FCHO1: variants seen among roughly 807,000 people sequenced by gnomAD.
FCHO1 encodes FCH and mu domain containing endocytic adaptor 1, also known as F-BAR domain only protein 1.
A neutral mutation model predicts 114.4 loss-of-function variants in FCHO1; 45 were observed. That is an observed-to-expected ratio of 0.39 (90% confidence interval 0.31 to 0.50). FCHO1 has a LOEUF of 0.50. Among genes scored for constraint, FCHO1 ranks in the 20% least tolerant of loss-of-function variants. The pLI is 0.77. For synonymous variants in FCHO1, 480 were observed against 488.9 expected (o/e 0.98, Z 0.24); for missense variants, 1,042 against 1,209.6 (o/e 0.86, Z 2.06).
rs1352516202 is a variant in FCHO1 at position 17,788,275 on chromosome 19, C to G, written c.2648-9C>G. 1 of 1,572,304 alleles carries G rather than the reference C, an allele frequency of 6.4e-7. No individual in the cohort carries two copies. The highest frequency in any genetic ancestry group is 1.7e-5 in the Admixed American group (1 of 59,324). ...CCCACCCCTCCCCCTCACAGCTGCA[C>G]CCCCACAGGGATGTACCTGGTGAGC... is the stretch of plus-strand genomic sequence containing the variant. On this transcript the variant is annotated splice_polypyrimidine_tract_variant and intron_variant, in intron 28 of 28. Coordinates refer to ENST00000596536, the MANE Select transcript of FCHO1 (RefSeq NM_015122.3).
chr19:17,775,378 C>CG lies in FCHO1; in HGVS notation c.946-72dup, dbSNP rs1468986645. The CG allele has an allele frequency of 1.4e-6, 2 of 1,413,372 alleles. No homozygotes were observed. Among genetic ancestry groups the CG allele is most frequent in the Non-Finnish European group, 2.0e-6 (2 of 998,628 alleles). The allele number at this position is 1,413,372 out of a possible 1,614,324, so 87.6% of individuals were successfully genotyped here. On this transcript the variant is annotated intron_variant, in intron 14 of 28. Coordinates refer to ENST00000596536, the MANE Select transcript of FCHO1 (RefSeq NM_015122.3). This position sits in a 1 kb window ranked among gnomAD's most constrained non-coding sequence, Gnocchi z 5.1. The stretch of plus-strand genomic sequence containing the variant: ...TCTGAGTCAAGGCCTGGGGGCAGGG[C>CG]GGGGGGCGGTTGGCAGGGTGAGATG...
rs2093408519 is a variant in FCHO1 at position 17,781,514 on chromosome 19, C to G, written c.1803C>G (p.Pro601=). The part of the protein sequence containing the change: ...SSAASTALER[P]SFLSQTGHGV... ...CCGCCAGCACTGCCTTGGAACGGCC[C>G]AGCTTCTTATCCCAGACAGGACACG... Residue 601 remains proline (P), a synonymous_variant, in exon 22 of 29, where the codon CCC becomes CCG. Coordinates refer to ENST00000596536, the MANE Select transcript of FCHO1 (RefSeq NM_015122.3). 6.2e-7 allele frequency: 1 copy of G among 1,613,932 alleles called. No homozygotes were observed. Among genetic ancestry groups the G allele is most frequent in the Non-Finnish European group, 8.5e-7 (1 of 1,180,026 alleles).
intron 4 of FCHO1, among the ~76,000 whole-genome samples, chr19:17,761,633 C>CATATATATAT (rs55848959): frequency 0.032 from 4,499 of 142,580 alleles, 96 homozygotes; most frequent in South Asian, 0.056. Context: ...CATGTATATA[C>CATATATATAT]ATATATATAT....
In FCHO1 at chr19:17,775,383, G is replaced by A. The variant is rs1181173563; in HGVS notation, c.946-73G>A. 17 of 1,450,682 alleles carry A rather than the reference G, an allele frequency of 1.2e-5. No individual in the cohort carries two copies. Among genetic ancestry groups the A allele is most frequent in the Non-Finnish European group, 1.5e-5 (15 of 1,032,114 alleles). 89.9% of individuals were successfully genotyped at this position (1,450,682 alleles called of 1,614,324 possible). ...GTCAAGGCCTGGGGGCAGGGCGGGG[G>A]GCGGTTGGCAGGGTGAGATGGAAGG... On this transcript the variant is annotated intron_variant, in intron 14 of 28. Transcript: ENST00000596536. The surrounding 1 kb of genome is among the most constrained non-coding windows in gnomAD (Gnocchi z 5.1).
At chr19:17,766,052 C>T (rs193030476) in intron 6 of FCHO1, among the ~76,000 whole-genome samples, 14 of 151,298 alleles carry the variant, frequency 9.3e-5, no homozygotes, top group African/African-American at 2.9e-4. Context: ...CCACGCCCGG[C>T]TAATTTTTTG....
chr19:17,766,718 G>A lies in FCHO1; in HGVS notation c.244G>A (p.Ala82Thr). 1 of 1,614,152 alleles carries A rather than the reference G, an allele frequency of 6.2e-7. No homozygotes were observed. The highest frequency in any genetic ancestry group is 8.5e-7 in the Non-Finnish European group (1 of 1,180,014). Reference protein sequence around the residue: ...EVFRVSSDKLALCHLELTRKL... With the variant: ...EVFRVSSDKLTLCHLELTRKL... Reference sequence around the variant, plus strand: ...CTTCCGCGTCTCCTCGGACAAGCTGGCGCTGTGCCACCTGGAACTGACACG... The same window carrying A: ...CTTCCGCGTCTCCTCGGACAAGCTGACGCTGTGCCACCTGGAACTGACACG... The change falls in exon 7 of 29, where the codon GCG (alanine) becomes ACG (threonine). Residue 82 changes from alanine (A) to threonine (T), a missense_variant. By Grantham distance (58) the Ala-to-Thr change is moderately conservative. Transcript: ENST00000596536.
chr19:17,750,812 CT>C (rs2081716425), upstream of FCHO1, among the ~76,000 whole-genome samples: 1 of 149,882 alleles, frequency 6.7e-6, no homozygotes, highest in Admixed American at 6.7e-5. Flanking sequence ...GCAAAAATGT[CT>C]TCCCCTTTCT....
At chr19:17,753,232 T>A (rs2082443306) in intron 1 of FCHO1, among the ~76,000 whole-genome samples, 2 of 152,244 alleles carry the variant, frequency 1.3e-5, no homozygotes, top group Non-Finnish European at 2.9e-5. Flanking sequence ...CCTAGGGATG[T>A]CAGTGTAGCA....
At position 17,783,094 on chromosome 19, in the gene FCHO1, C is replaced by T. The variant is rs754439013; in HGVS notation, c.2015C>T (p.Pro672Leu). ...GTGCGTGTGTTCAGCGGGACCCCAC[C>T]ACCACCTGTCCTCAGCTTCCGGCTT... ...GIVRVFSGTP[P>L]PPVLSFRLVH... The change falls in exon 24 of 29, where the codon CCA becomes CTA. Residue 672 changes from proline (P) to leucine (L), a missense_variant. Physicochemically the swap from Pro to Leu is moderately conservative, Grantham distance 98. Transcript: ENST00000596536. 2 of 1,614,124 alleles carry T rather than the reference C, an allele frequency of 1.2e-6. No individual in the cohort carries two copies. The highest frequency in any genetic ancestry group is 1.7e-6 in the Non-Finnish European group (2 of 1,180,020).
In FCHO1 at chr19:17,770,864, G is replaced by A. The variant is rs140361088; in HGVS notation, c.562G>A (p.Asp188Asn). 3 of 1,614,012 alleles carry A rather than the reference G, an allele frequency of 1.9e-6. No homozygotes were observed. Among genetic ancestry groups the A allele is most frequent in the Non-Finnish European group, 2.5e-6 (3 of 1,180,038 alleles). Residue 188 changes from aspartate to asparagine, a missense_variant, in exon 9 of 29, where the codon GAC becomes AAC. Asp to Asn is a conservative substitution (Grantham distance 23, BLOSUM62 1). Transcript: ENST00000596536. ...GGAAAAATACAACTCAGCCCGAGCT[G>A]ACTTTGAGCAGAAGATGCTGGACTC... ...SVEKYNSARA[D>N]FEQKMLDSAL...
chr19:17,750,913 C>G (rs952118856), upstream of FCHO1, among the ~76,000 whole-genome samples: 3 of 150,046 alleles, frequency 2.0e-5, no homozygotes, highest in Admixed American at 6.7e-5. Context: ...CAACCTCTGG[C>G]TCACTGCAAC....
chr19:17,785,998 G>A (rs1007366189), intron 26 of FCHO1, among the ~76,000 whole-genome samples: 1 of 151,490 alleles, frequency 6.6e-6, no homozygotes, highest in Non-Finnish European at 1.5e-5. Flanking sequence ...AAAGTCTGTT[G>A]TGAAGAAGCC....
At position 17,770,014 on chromosome 19, in the gene FCHO1, C is replaced by T. The variant is rs113444410; in HGVS notation, c.337-411C>T. ...CCCCATTGCTATTAAAACACACACA[C>T]AGAGGCCGGGCGTGGTGGCTCACAC... On this transcript the variant is annotated intron_variant, in intron 7 of 28. Coordinates refer to ENST00000596536, the MANE Select transcript of FCHO1 (RefSeq NM_015122.3). Among the ~76,000 whole-genome samples the T allele has an allele frequency of 8.6e-3, 1,290 of 150,126 alleles. 8 individuals are homozygous for T. The highest frequency in any genetic ancestry group is 0.012 in the Non-Finnish European group (806 of 67,520).
chr19:17,781,987 CTTTTTTTTTTTTTTTTT>C lies in FCHO1; in HGVS notation c.1937+180_1937+196del, dbSNP rs67498129. Among the ~76,000 whole-genome samples the C allele has an allele frequency of 2.7e-3, 335 of 125,964 alleles. 1 individual carries two copies. The highest frequency in any genetic ancestry group is 0.022 in the South Asian group (94 of 4,264). The allele number at this position is 125,964 out of a possible 152,430, so 82.6% of individuals were successfully genotyped here. On this transcript the variant is annotated intron_variant, in intron 23 of 28. Coordinates refer to ENST00000596536, the MANE Select transcript of FCHO1 (RefSeq NM_015122.3). ...GAGGGCAGTGGAGCCATAGGAGGGCCTTTTTTTTTTTTTTTTTTTTTTTTTTTTTGAGACAGAGTTTC... is the reference window on the plus strand; with the variant it reads ...GAGGGCAGTGGAGCCATAGGAGGGCCTTTTTTTTTTTTGAGACAGAGTTTC...
intron 6 of FCHO1, among the ~76,000 whole-genome samples, chr19:17,765,158 C>G (rs2088345673): frequency 2.0e-5 from 3 of 151,292 alleles, no homozygotes; most frequent in African/African-American, 7.3e-5. Flanking sequence ...CCTCCCTGAA[C>G]TGAGACCTTA....
chr19:17,753,305 G>A (rs1190252646), intron 1 of FCHO1, among the ~76,000 whole-genome samples: 1 of 152,306 alleles, frequency 6.6e-6, no homozygotes, highest in East Asian at 1.9e-4. Context: ...GGGGACTGAA[G>A]TTTTTCAGGG....
At chr19:17,764,600 C>G (rs1301900204) in intron 6 of FCHO1, 151 bp downstream of exon 6, 5 of 641,484 alleles carry the variant, frequency 7.8e-6, no homozygotes, top group Non-Finnish European at 1.3e-5. Flanking sequence ...CATTCACACA[C>G]TAGCTCATTC....
chr19:17,762,866 A>G lies in FCHO1; in HGVS notation c.119+13A>G. ...TCATCCGGGAGAGGTGAGGTCCCCAAGCCCCATCCACCAGAGGCCACGCCC... is the reference window on the plus strand; with the variant it reads ...TCATCCGGGAGAGGTGAGGTCCCCAGGCCCCATCCACCAGAGGCCACGCCC... On this transcript the variant is annotated intron_variant, in intron 5 of 28. Coordinates refer to ENST00000596536, the MANE Select transcript of FCHO1 (RefSeq NM_015122.3). 1 of 1,588,092 alleles carries G rather than the reference A, an allele frequency of 6.3e-7. No individual in the cohort carries two copies. Among genetic ancestry groups the G allele is most frequent in the South Asian group, 1.1e-5 (1 of 90,566 alleles).
rs779991590 is a variant in FCHO1, at chr19:17,772,537, G to A, written c.675G>A (p.Thr225=). Residue 225 remains threonine (T), a synonymous_variant, in exon 10 of 29, where the codon ACG becomes ACA. Transcript: ENST00000596536. ...LGSYAHSVED[T]HVQIGQVHEE... ...CATATGCTCACTCGGTGGAGGACACGCACGTGCAGATTGGGCAGGTGAGTT... is the reference window on the plus strand; with the variant it reads ...CATATGCTCACTCGGTGGAGGACACACACGTGCAGATTGGGCAGGTGAGTT... 4.0e-5 allele frequency: 65 copies of A among 1,614,012 alleles called. No individual in the cohort carries two copies. The highest frequency in any genetic ancestry group is 5.3e-5 in the Non-Finnish European group (62 of 1,180,010).
Sources: gnomAD v4.1 joint callset for allele counts (sites outside exome capture counted in the v4.1 genomes callset) on GRCh38, gnomAD v4.1.1 for gene constraint, Gnocchi (gnomAD v3.1) non-coding constraint, MANE v1.5 for transcripts, NCBI Gene and HGNC (gene_info 2026-07-23, HGNC 2026-07-21) for gene names.